Variants in NFU1 observed in about 807,000 individuals in gnomAD.
NFU1 encodes the protein NFU1 iron-sulfur cluster scaffold homolog, mitochondrial.
NFU1 carries 30 observed loss-of-function variants against 32.2 expected under a neutral mutation model. That is an observed-to-expected ratio of 0.93 (90% CI 0.70 to 1.26). The LOEUF is 1.26. Among genes scored for constraint, NFU1 ranks in the 50% most tolerant of loss-of-function variants. The probability of loss-of-function intolerance (pLI) is 0.00; values close to 1 mark genes in which losing one functional copy is unlikely to be tolerated. For missense variants in NFU1, 306 were observed against 306.6 expected (o/e 1.00, Z 0.02); for synonymous variants, 112 against 104.6 (o/e 1.07, Z -0.43).
At chr2:69,413,586 C>T (rs80333873) in intron 5 of NFU1, among the ~76,000 whole-genome samples, 1 of 152,108 alleles carries the variant, frequency 6.6e-6, no homozygotes, top group Non-Finnish European at 1.5e-5. Context: ...CATGGCAAAA[C>T]CCCCTCTACT....
At chr2:69,397,425 A>G (rs1206009278) in intron 7 of NFU1, among the ~76,000 whole-genome samples, 1 of 152,148 alleles carries the variant, frequency 6.6e-6, no homozygotes, top group African/African-American at 2.4e-5. Flanking sequence ...ACATAAACCT[A>G]AGAATGTTTT....
At chr2:69,409,348 T>G (rs1327871647) in intron 5 of NFU1, among the ~76,000 whole-genome samples, 1 of 152,206 alleles carries the variant, frequency 6.6e-6, no homozygotes, top group Non-Finnish European at 1.5e-5. Flanking sequence ...TATCTCCCAA[T>G]CTAGTTCATT....
intron 1 of NFU1, among the ~76,000 whole-genome samples, chr2:69,433,527 G>A (rs916963729): frequency 6.6e-6 from 1 of 151,820 alleles, no homozygotes; most frequent in African/African-American, 2.4e-5. Context: ...CCACGCTGGA[G>A]TGCAGTGATG....
At chr2:69,400,904 C>T (rs1672502652) in intron 6 of NFU1, among the ~76,000 whole-genome samples, 2 of 152,166 alleles carry the variant, frequency 1.3e-5, no homozygotes, top group Non-Finnish European at 2.9e-5. Flanking sequence ...GAGCTATTAT[C>T]ACACCAGTGC....
rs57078704 is a variant in NFU1, at chr2:69,424,170, C to CAA, written c.167-455_167-454dup. The stretch of plus-strand genomic sequence containing the variant: ...CTGGTGACAAAGTGAGACTCTGTCT[C>CAA]AAAAAAAAAAAAAAAAAAAAAAAAA... On this transcript the variant is annotated intron_variant, in intron 2 of 7. Transcript: ENST00000410022. 5.0e-3 allele frequency among the ~76,000 whole-genome samples: 213 copies of CAA among 42,910 alleles called. 3 individuals are homozygous for CAA. The highest frequency in any genetic ancestry group is 6.6e-3 in the Non-Finnish European group (172 of 26,224). The allele number at this position is 42,910 out of a possible 152,430, so 28.2% of individuals were successfully genotyped here.
At chr2:69,404,815 T>C (rs934354576) in intron 6 of NFU1, among the ~76,000 whole-genome samples, 6 of 151,370 alleles carry the variant, frequency 4.0e-5, no homozygotes, top group Middle Eastern at 3.4e-3. Flanking sequence ...AGATGGGGTT[T>C]CAACATGTTG....
chr2:69,438,218 T>C (rs112156805), upstream of NFU1, among the ~76,000 whole-genome samples: 489 of 151,542 alleles, frequency 3.2e-3, 4 homozygotes, highest in African/African-American at 0.011. Flanking sequence ...ACAATCTCTG[T>C]AGGTGGGGAC....
chr2:69,426,403 A>G (rs1259415573), intron 2 of NFU1, among the ~76,000 whole-genome samples: 3 of 152,126 alleles, frequency 2.0e-5, no homozygotes, highest in African/African-American at 4.8e-5. Flanking sequence ...CTCCTGCCTC[A>G]GCCTCCTGAG....
chr2:69,407,117 G>A (rs1356301189), intron 5 of NFU1, among the ~76,000 whole-genome samples: 3 of 151,968 alleles, frequency 2.0e-5, no homozygotes, highest in African/African-American at 7.3e-5. Flanking sequence ...CCAGTCTCAG[G>A]TATGTCTTTA....
At chr2:69,418,439 G>C (rs1673130000) in intron 4 of NFU1, among the ~76,000 whole-genome samples, 1 of 152,056 alleles carries the variant, frequency 6.6e-6, no homozygotes, top group African/African-American at 2.4e-5. Context: ...TAGATGACTA[G>C]ATTTAACATG....
intron 7 of NFU1, among the ~76,000 whole-genome samples, chr2:69,399,831 A>C (rs1672458864): frequency 6.6e-6 from 1 of 152,144 alleles, no homozygotes; most frequent in African/African-American, 2.4e-5. Context: ...AAATGAGCAA[A>C]AATGCCTGGC....
At chr2:69,414,878 T>G (rs995242403) in intron 5 of NFU1, among the ~76,000 whole-genome samples, 1 of 152,092 alleles carries the variant, frequency 6.6e-6, no homozygotes, top group African/African-American at 2.4e-5. Flanking sequence ...AAAGATAACA[T>G]TTGTTTTGTT....
upstream of NFU1, among the ~76,000 whole-genome samples, chr2:69,438,013 A>T (rs1325765607): frequency 6.6e-6 from 1 of 152,140 alleles, no homozygotes; most frequent in African/African-American, 2.4e-5. Context: ...TTAACATGAG[A>T]CTTGACTAGT....
chr2:69,407,445 G>T (rs576067658), intron 5 of NFU1, among the ~76,000 whole-genome samples: 2 of 152,100 alleles, frequency 1.3e-5, no homozygotes, highest in African/African-American at 4.8e-5. Flanking sequence ...GGGAGGCTGA[G>T]GTAGGCACAT....
chr2:69,412,503 C>T (rs1672917811), intron 5 of NFU1, among the ~76,000 whole-genome samples: 1 of 152,020 alleles, frequency 6.6e-6, no homozygotes, highest in Non-Finnish European at 1.5e-5. Flanking sequence ...TCTTCTGCCC[C>T]AGCCTCCCGA....
chr2:69,413,114 G>A (rs914067287), intron 5 of NFU1, among the ~76,000 whole-genome samples: 7 of 151,030 alleles, frequency 4.6e-5, no homozygotes, highest in African/African-American at 1.2e-4. Context: ...GTGAAACCCC[G>A]TCTCTACTAA....
chr2:69,412,734 T>C (rs928226866), intron 5 of NFU1, among the ~76,000 whole-genome samples: 2 of 151,876 alleles, frequency 1.3e-5, no homozygotes, highest in Non-Finnish European at 2.9e-5. Flanking sequence ...GGCAGGAGCC[T>C]ATAATCCCAG....
chr2:69,423,685 G>C lies in NFU1; in HGVS notation c.199C>G (p.Pro67Ala). The C allele has an allele frequency of 6.2e-7, 1 of 1,606,836 alleles. No individual in the cohort carries two copies. The highest frequency in any genetic ancestry group is 8.5e-7 in the Non-Finnish European group (1 of 1,173,570). ...RYMFIQTQDT[P>A]NPNSLKFIPG... is the part of the protein sequence containing the mutation. Reference sequence around the variant, plus strand: ...ATAAACTTTAAGCTGTTTGGATTTGGGGTATCTTGTGTTTGAATAAACATG... The same window carrying C: ...ATAAACTTTAAGCTGTTTGGATTTGCGGTATCTTGTGTTTGAATAAACATG... Residue 67 changes from proline to alanine, a missense_variant, in exon 3 of 8, where the codon CCA becomes GCA. Transcript: ENST00000410022.
intron 3 of NFU1, among the ~76,000 whole-genome samples, chr2:69,422,784 C>T (rs1673289715): frequency 6.6e-6 from 1 of 151,976 alleles, no homozygotes; most frequent in African/African-American, 2.4e-5. Flanking sequence ...CATGGCATCA[C>T]AGCTCATAGT....
Sources: gnomAD v4.1 joint callset for allele counts (sites outside exome capture counted in the v4.1 genomes callset) on GRCh38, gnomAD v4.1.1 for gene constraint, MANE v1.5 for transcripts, NCBI Gene and HGNC (gene_info 2026-07-23, HGNC 2026-07-21) for gene names.